The following GABRB1 variants were observed in gnomAD, a reference collection of about 807,000 sequenced individuals.
GABRB1 encodes the protein gamma-aminobutyric acid type A receptor subunit beta1.
A neutral mutation model predicts 51.6 loss-of-function variants in GABRB1; 17 were observed. That is an observed-to-expected ratio of 0.33 (90% CI 0.23 to 0.49). The LOEUF (loss-of-function observed/expected upper bound fraction) is 0.49. GABRB1 is among the 20% of genes least tolerant of loss of function. The pLI is 0.99. For synonymous variants in GABRB1, 247 were observed against 218.9 expected, an observed-to-expected ratio of 1.13 and a Z score of -1.14; for missense variants, 410 against 600.6, an observed-to-expected ratio of 0.68 and a Z score of 3.32.
chr4:47,408,823 T>G (rs1728661403), intron 8 of GABRB1, among the ~76,000 whole-genome samples: 1 of 152,122 alleles, frequency 6.6e-6, no homozygotes, highest in Non-Finnish European at 1.5e-5. Flanking sequence ...TCTGCACAGC[T>G]TGGAATGTTT....
At chr4:47,239,455 T>G (rs1219331794) in intron 4 of GABRB1, among the ~76,000 whole-genome samples, 3 of 152,192 alleles carry the variant, frequency 2.0e-5, no homozygotes, top group Non-Finnish European at 4.4e-5. Context: ...TATTTAGCTT[T>G]AGTGGATACT....
chr4:47,028,843 G>T (rs1725187238), upstream of GABRB1, among the ~76,000 whole-genome samples: 1 of 147,362 alleles, frequency 6.8e-6, no homozygotes, highest in Admixed American at 6.8e-5. Context: ...CATATATATG[G>T]TGTATATGTG....
At chr4:47,224,230 C>G (rs1720868666) in intron 4 of GABRB1, among the ~76,000 whole-genome samples, 1 of 149,960 alleles carries the variant, frequency 6.7e-6, no homozygotes, top group African/African-American at 2.4e-5. Flanking sequence ...TCAAATAAGA[C>G]TCAAATGTCC....
chr4:47,115,428 T>G (rs1320479839), intron 3 of GABRB1, among the ~76,000 whole-genome samples: 1 of 152,088 alleles, frequency 6.6e-6, no homozygotes, highest in Non-Finnish European at 1.5e-5. Context: ...TTCTTCTTTT[T>G]TGGAAAAAGA....
intron 5 of GABRB1, among the ~76,000 whole-genome samples, chr4:47,394,707 T>C (rs1298081418): frequency 6.6e-6 from 1 of 152,142 alleles, no homozygotes; most frequent in Non-Finnish European, 1.5e-5. Flanking sequence ...CTGAATGGAT[T>C]TTGCTGAGGC....
intron 4 of GABRB1, among the ~76,000 whole-genome samples, chr4:47,167,576 G>T (rs1437797748): frequency 6.6e-6 from 1 of 152,120 alleles, no homozygotes; most frequent in Non-Finnish European, 1.5e-5. Context: ...CTAGTGGAAT[G>T]AGGAATGCTG....
chr4:47,098,388 C>T (rs555142798), intron 3 of GABRB1, among the ~76,000 whole-genome samples: 1 of 152,200 alleles, frequency 6.6e-6, no homozygotes, highest in East Asian at 1.9e-4. Context: ...TATCATGAAA[C>T]TTTGTCATTC....
chr4:47,207,168 A>C (rs1204732100), intron 4 of GABRB1, among the ~76,000 whole-genome samples: 2 of 151,942 alleles, frequency 1.3e-5, no homozygotes, highest in Non-Finnish European at 2.9e-5. Flanking sequence ...ATCACAGCAC[A>C]ATTTGCACAA....
intron 5 of GABRB1, among the ~76,000 whole-genome samples, chr4:47,332,261 A>G (rs1289038710): frequency 6.6e-6 from 1 of 152,250 alleles, no homozygotes; most frequent in Non-Finnish European, 1.5e-5. Flanking sequence ...TACCAATACT[A>G]TTCCCCCAAA....
At chr4:47,219,256 C>T (rs985068636) in intron 4 of GABRB1, among the ~76,000 whole-genome samples, 1 of 151,812 alleles carries the variant, frequency 6.6e-6, no homozygotes, top group African/African-American at 2.4e-5. Context: ...AATTACTAAA[C>T]GTAATTCTAT....
At chr4:47,007,127 G>A (rs13139768) in intron 1 of GABRB1, among the ~76,000 whole-genome samples, 97,557 of 151,070 alleles carry the variant, frequency 0.65, 31,958 homozygotes, top group South Asian at 0.73. Context: ...GTGACAGAGC[G>A]AGACCCTGTT....
At position 47,256,010 on chromosome 4, in the gene GABRB1, G is replaced by A. The variant is rs112372182; in HGVS notation, c.462-64117G>A. Among the ~76,000 whole-genome samples, 453 of 152,286 alleles carry A rather than the reference G, an allele frequency of 3.0e-3. 7 individuals are homozygous for A. The highest frequency in any genetic ancestry group is 9.7e-3 in the African/African-American group (404 of 41,564). ...TTCAAGAAGAGTACAAATTTAGTCC[G>A]AGGCCCAGTTTAGAAGGATCAGTGC... On this transcript the variant is annotated intron_variant, in intron 4 of 8. Transcript: ENST00000295454.
intron 5 of GABRB1, among the ~76,000 whole-genome samples, chr4:47,334,731 T>A (rs985369676): frequency 1.3e-5 from 2 of 152,238 alleles, no homozygotes; most frequent in African/African-American, 4.8e-5. Context: ...TAATGAGTCA[T>A]TCTGGAGAGC....
At chr4:47,035,800 A>G (rs1198771903) in intron 3 of GABRB1, among the ~76,000 whole-genome samples, 1 of 152,210 alleles carries the variant, frequency 6.6e-6, no homozygotes, top group Non-Finnish European at 1.5e-5. Context: ...AGTAGTAGGC[A>G]AATTTTCTCT....
intron 5 of GABRB1, among the ~76,000 whole-genome samples, chr4:47,340,079 A>C (rs1194951465): frequency 6.6e-6 from 1 of 152,200 alleles, no homozygotes; most frequent in Non-Finnish European, 1.5e-5. Context: ...AGAAAACAGA[A>C]GAGTCACTCA....
chr4:47,007,866 GTATATATATATA>G (rs1165939097), intron 1 of GABRB1, among the ~76,000 whole-genome samples: 3 of 49,972 alleles, frequency 6.0e-5, no homozygotes, highest in African/African-American at 1.6e-4. Context: ...CTTGGAACTG[GTATATATATATA>G]TATATATATA....
chr4:47,192,696 C>T (rs1719488964), intron 4 of GABRB1, among the ~76,000 whole-genome samples: 1 of 152,082 alleles, frequency 6.6e-6, no homozygotes, highest in Non-Finnish European at 1.5e-5. Flanking sequence ...CAGAATAGAT[C>T]TGTAATCCAT....
intron 3 of GABRB1, among the ~76,000 whole-genome samples, chr4:47,122,086 A>T (rs1052958359): frequency 1.3e-5 from 2 of 152,146 alleles, no homozygotes; most frequent in African/African-American, 4.8e-5. Flanking sequence ...CCTAGAGCAG[A>T]GCTTCTGGGA....
Position 47,301,646 on chromosome 4 carries a change from AC to A in GABRB1, c.462-18480del, listed in dbSNP as rs1724267201. The stretch of plus-strand genomic sequence containing the variant: ...TAGACTCTGTCTCAAAAAAAAAAAA[AC>A]ATTTCAATTAACCCATTAATTAATG... On this transcript the variant is annotated intron_variant, in intron 4 of 8. Coordinates refer to ENST00000295454, the MANE Select transcript of GABRB1 (RefSeq NM_000812.4). Among the ~76,000 whole-genome samples the A allele has an allele frequency of 2.0e-5, 3 of 151,370 alleles. No individual in the cohort carries two copies. The South Asian group carries it at 6.3e-4, about 32-fold the overall frequency.
Sources: allele counts gnomAD v4.1 joint callset (sites outside exome capture counted in the v4.1 genomes callset), GRCh38; gene constraint gnomAD v4.1.1; transcripts MANE v1.5; gene names NCBI Gene and HGNC (gene_info 2026-07-23, HGNC 2026-07-21).